The following IGF2R variants were observed in gnomAD, a reference collection of about 807,000 sequenced individuals.
IGF2R encodes insulin like growth factor 2 receptor.
Under a neutral mutation model 270.6 loss-of-function variants are expected in IGF2R, and 91 were observed. That is an observed-to-expected ratio of 0.34 (90% CI 0.28 to 0.40). The LOEUF is 0.40. IGF2R is among the 10% of genes least tolerant of loss of function. The pLI is 1.00. For missense variants in IGF2R, 2,805 were observed against 3,188.3 expected, an observed-to-expected ratio of 0.88 and a Z score of 2.90; for synonymous variants, 1,316 against 1,258.9, an observed-to-expected ratio of 1.05 and a Z score of -0.96.
At chr6:160,087,033 A>T (rs1466109580) in intron 41 of IGF2R, among the ~76,000 whole-genome samples, 4 of 151,880 alleles carry the variant, frequency 2.6e-5, no homozygotes, top group Non-Finnish European at 5.9e-5. Flanking sequence ...GTGGCTTGAG[A>T]GTTGGAACCT....
Position 160,110,585 on chromosome 6 carries a change from A to G in IGF2R, c.*5501A>G, listed in dbSNP as rs1779721576. 1 of 152,250 alleles carries G rather than the reference A, an allele frequency of 6.6e-6. No individual in the cohort carries two copies. The highest frequency in any genetic ancestry group is 2.4e-5 in the African/African-American group (1 of 41,468). 9.4% of individuals were successfully genotyped at this position (152,250 alleles called of 1,614,324 possible). ...CTGGGTGTATATCCAAAAGAAATGA[A>G]GTCAGTACCTTGAAGAGATCTCTGC... On this transcript the variant is annotated 3_prime_UTR_variant, in exon 48 of 48. Transcript: ENST00000356956.
At chr6:160,017,357 C>T (rs955711402) in intron 4 of IGF2R, among the ~76,000 whole-genome samples, 1 of 152,142 alleles carries the variant, frequency 6.6e-6, no homozygotes, top group African/African-American at 2.4e-5. Context: ...GTTTGAGAAA[C>T]GTGGGACTAC....
At chr6:160,044,233 G>A (rs1233693443) in intron 12 of IGF2R, among the ~76,000 whole-genome samples, 1 of 152,192 alleles carries the variant, frequency 6.6e-6, no homozygotes, top group Non-Finnish European at 1.5e-5. Flanking sequence ...TCTTGCCCTG[G>A]AAGGGCATTG....
At chr6:160,030,053 C>T (rs1199379879) in intron 7 of IGF2R, among the ~76,000 whole-genome samples, 1 of 152,096 alleles carries the variant, frequency 6.6e-6, no homozygotes, top group African/African-American at 2.4e-5. Context: ...GAAGCCTTTC[C>T]CTCCCTCTCT....
chr6:160,080,676 G>A (rs1778960296), intron 39 of IGF2R, among the ~76,000 whole-genome samples: 1 of 152,094 alleles, frequency 6.6e-6, no homozygotes, highest in African/African-American at 2.4e-5. Context: ...TTGACTTTCC[G>A]CCATGTGGCA....
Position 159,969,209 on chromosome 6 carries a change from T to TA in IGF2R, c.-38_-37insA. The TA allele has an allele frequency of 1.0e-6, 1 of 982,302 alleles. No individual in the cohort carries two copies. The highest frequency in any genetic ancestry group is 4.6e-5 in the South Asian group (1 of 21,824). The allele number at this position is 982,302 out of a possible 1,614,324, so 60.8% of individuals were successfully genotyped here. A position where few individuals can be genotyped will look rare whatever the true frequency, so the allele number is the denominator to read the frequency against. ...CGCGGCCCCCAGCAGTCGCGCGCCG[T>TA]TAGCCTCGCGCCCGCCGCGCAGTCC... On this transcript the variant is annotated 5_prime_UTR_variant, in exon 1 of 48. Transcript: ENST00000356956.
chr6:159,989,643 G>A (rs1311645868), intron 1 of IGF2R, among the ~76,000 whole-genome samples: 1 of 152,232 alleles, frequency 6.6e-6, no homozygotes, highest in African/African-American at 2.4e-5. Flanking sequence ...TGTTGCCCAG[G>A]CTGGCCTGAA....
Position 160,024,597 on chromosome 6 carries a change from A to G in IGF2R, c.539A>G (p.Glu180Gly), listed in dbSNP as rs149369030. ...KEVPCYVFDEELRKHDLNPLI... is the reference protein window; with the variant it reads ...KEVPCYVFDEGLRKHDLNPLI... ...GTGCCATGCTATGTGTTTGATGAAG[A>G]GTTGAGGAAGCATGATCTCAATCCT... Residue 180 changes from glutamate to glycine, a missense_variant, in exon 5 of 48, where the codon GAG becomes GGG. This residue lies in a region of IGF2R where 954 missense variants were observed against 981.1 expected (regional missense o/e 0.97). Transcript: ENST00000356956. The G allele has an allele frequency of 3.7e-6, 6 of 1,613,806 alleles. No homozygotes were observed. The African/African-American group carries it at 6.7e-5, about 18-fold the overall frequency.
intron 30 of IGF2R, among the ~76,000 whole-genome samples, chr6:160,069,648 C>G (rs927241706): frequency 2.6e-5 from 4 of 152,230 alleles, no homozygotes; most frequent in African/African-American, 9.6e-5. Context: ...TCACGCCCGC[C>G]TGCCCCAGTC....
In IGF2R at chr6:160,018,602, C is replaced by A. The variant is rs187508123; in HGVS notation, c.514-5970C>A. ...ACAAGTCTCAATAAATTGAAAAAAA[C>A]CAAAATGATACCAAGTATCTTCTCA... On this transcript the variant is annotated intron_variant, in intron 4 of 47. Coordinates refer to ENST00000356956, the MANE Select transcript of IGF2R (RefSeq NM_000876.4). Among the ~76,000 whole-genome samples, 94 of 151,844 alleles carry A rather than the reference C, an allele frequency of 6.2e-4. No homozygotes were observed. The East Asian group carries it at 0.016, about 26-fold the overall frequency.
At chr6:160,089,684 A>T (rs1198680906) in intron 43 of IGF2R, among the ~76,000 whole-genome samples, 1 of 152,236 alleles carries the variant, frequency 6.6e-6, no homozygotes, top group Non-Finnish European at 1.5e-5. Context: ...AGGAAGGTGG[A>T]TTAGCACTCA....
intron 37 of IGF2R, 135 bp from the exon 38 acceptor site, chr6:160,079,445 C>A: frequency 1.8e-6 from 1 of 545,628 alleles, no homozygotes; most frequent in Non-Finnish European, 2.8e-6. Flanking sequence ...GATTGCGTGG[C>A]TCTGATGCAC....
At chr6:160,009,282 C>G (rs1384427912) in intron 3 of IGF2R, 148 bp downstream of exon 3, 5 of 632,952 alleles carry the variant, frequency 7.9e-6, no homozygotes, top group Non-Finnish European at 1.3e-5. Context: ...CCATCATCAT[C>G]AAGAACCAAT....
rs758638135 is a variant in IGF2R, at chr6:160,084,385, G to T, written c.6068+201G>T. 1.3e-5 allele frequency among the ~76,000 whole-genome samples: 2 copies of T among 152,174 alleles called. No individual in the cohort carries two copies. The highest frequency in any genetic ancestry group is 1.3e-4 in the Admixed American group (2 of 15,278). ...CAGAGGGTGGTTCTGAGGTCAGAGT[G>T]GGGGCAGGAGCTTTGGTGACTGGAA... On this transcript the variant is annotated intron_variant, in intron 40 of 47. Transcript: ENST00000356956. The surrounding 1 kb of genome is among the most constrained non-coding windows in gnomAD (Gnocchi z 4.6).
chr6:160,025,510 C>T (rs191188979), intron 5 of IGF2R, among the ~76,000 whole-genome samples: 1 of 152,286 alleles, frequency 6.6e-6, no homozygotes, highest in East Asian at 1.9e-4. Context: ...AAACTCAATA[C>T]ATGGAAGTAT....
At chr6:160,032,743 T>C (rs1180349384) in intron 8 of IGF2R, 30 bp downstream of exon 8, 1 of 1,608,916 alleles carries the variant, frequency 6.2e-7, no homozygotes, top group African/African-American at 1.3e-5. Context: ...CTCCTGGCGC[T>C]GCTTAGGAAG....
rs1174177441 is a variant in IGF2R at position 160,050,204 on chromosome 6, A to G, written c.2515-269A>G. Among the ~76,000 whole-genome samples, 1 of 152,216 alleles carries G rather than the reference A, an allele frequency of 6.6e-6. No homozygotes were observed. The highest frequency in any genetic ancestry group is 1.5e-5 in the Non-Finnish European group (1 of 68,030). ...CTGTAGCAATAATGGGGATGTGACT[A>G]GTATCTAGTGCTATGTGACTTTCAG... On this transcript the variant is annotated intron_variant, in intron 18 of 47. Coordinates refer to ENST00000356956, the MANE Select transcript of IGF2R (RefSeq NM_000876.4). The surrounding 1 kb of genome is among the most constrained non-coding windows in gnomAD (Gnocchi z 4.0).
intron 21 of IGF2R, 65 bp from the exon 22 acceptor site, chr6:160,058,841 T>G: frequency 7.1e-7 from 1 of 1,403,428 alleles, no homozygotes; most frequent in Non-Finnish European, 1.0e-6. Flanking sequence ...GTTGCTAGGG[T>G]TCTTGTCTGT....
At position 160,061,488 on chromosome 6, in the gene IGF2R, T is replaced by G; in HGVS notation, c.3263-15T>G. On this transcript the variant is annotated splice_polypyrimidine_tract_variant and intron_variant, in intron 23 of 47. Coordinates refer to ENST00000356956, the MANE Select transcript of IGF2R (RefSeq NM_000876.4). ...GAGGCAGAGTTCTCCAGCGTGGTTT[T>G]TTGTTGTGTTTCAGACCTGGCTGGA... 1 of 1,612,786 alleles carries G rather than the reference T, an allele frequency of 6.2e-7. No homozygotes were observed. Among genetic ancestry groups the G allele is most frequent in the South Asian group, 1.1e-5 (1 of 90,862 alleles).
Sources: allele counts gnomAD v4.1 joint callset (sites outside exome capture counted in the v4.1 genomes callset), GRCh38; gene constraint gnomAD v4.1.1; regional missense constraint gnomAD v4.1.1; non-coding constraint Gnocchi (gnomAD v3.1); transcripts MANE v1.5; gene names NCBI Gene and HGNC (gene_info 2026-07-23, HGNC 2026-07-21).